The following NR5A2 variants were observed in gnomAD, a reference collection of about 807,000 sequenced individuals.
NR5A2 encodes the protein CYP7A promoter-binding factor.
NR5A2 carries 26 observed loss-of-function variants against 62.7 expected under a neutral mutation model. That is an observed-to-expected ratio of 0.41 (90% confidence interval 0.30 to 0.58). NR5A2 has a LOEUF of 0.58. NR5A2 is among the 20% of genes least tolerant of loss of function. The pLI is 0.22. For missense variants in NR5A2, 541 were observed against 669.1 expected (o/e 0.81, Z 2.11); for synonymous variants, 246 against 241.7 (o/e 1.02, Z -0.16).
chr1:200,072,362 G>A (rs1306989477), intron 5 of NR5A2, among the ~76,000 whole-genome samples: 4 of 152,086 alleles, frequency 2.6e-5, no homozygotes, highest in African/African-American at 9.7e-5. Flanking sequence ...TTCATGGTGG[G>A]TTGGCTATAA....
At chr1:200,121,597 T>G (rs1666483775) in intron 7 of NR5A2, among the ~76,000 whole-genome samples, 1 of 152,092 alleles carries the variant, frequency 6.6e-6, no homozygotes, top group Non-Finnish European at 1.5e-5. Context: ...CAGCTTGGAA[T>G]AAAAAAAGGA....
chr1:200,154,459 A>G (rs1653283440), intron 7 of NR5A2, among the ~76,000 whole-genome samples: 1 of 152,222 alleles, frequency 6.6e-6, no homozygotes, highest in South Asian at 2.1e-4. Context: ...ATGAGTCACC[A>G]GAGAGCAATG....
chr1:200,052,434 C>T (rs1662680286), intron 5 of NR5A2, among the ~76,000 whole-genome samples: 1 of 152,178 alleles, frequency 6.6e-6, no homozygotes, highest in African/African-American at 2.4e-5. Context: ...AATCCTCCTG[C>T]CTTGGCCTCC....
rs145868986 is a variant in NR5A2, at chr1:200,053,181, G to A, written c.1110+4363G>A. On this transcript the variant is annotated intron_variant, in intron 5 of 7. Transcript: ENST00000367362. ...TAGAAACCGTGGAATTTCAGAGCTGGAAGATGAAAGGGAAAAGGGCTAGAG... is the reference window on the plus strand; with the variant it reads ...TAGAAACCGTGGAATTTCAGAGCTGAAAGATGAAAGGGAAAAGGGCTAGAG... 6.2e-3 allele frequency among the ~76,000 whole-genome samples: 940 copies of A among 152,290 alleles called. 5 individuals carry two copies. Among genetic ancestry groups the A allele is most frequent in the Middle Eastern group, 0.01 (3 of 294 alleles).
At chr1:200,144,227 TCTCTCTCACACACA>T (rs1248759396) in intron 7 of NR5A2, among the ~76,000 whole-genome samples, 14 of 76,566 alleles carry the variant, frequency 1.8e-4, no homozygotes, top group African/African-American at 8.3e-4. Context: ...TCTCTCTCTC[TCTCTCTCACACACA>T]CACACACACA....
At chr1:200,057,435 T>G (rs539176101) in intron 5 of NR5A2, 2 of 243,604 alleles carry the variant, frequency 8.2e-6, no homozygotes, top group African/African-American at 4.7e-5. Flanking sequence ...TAATGACTCA[T>G]AGAGATGTCA....
intron 6 of NR5A2, among the ~76,000 whole-genome samples, chr1:200,116,538 A>G (rs894895773): frequency 3.3e-5 from 5 of 152,222 alleles, no homozygotes; most frequent in Non-Finnish European, 5.9e-5. Context: ...AGAACTAGAG[A>G]AACCAAAATA....
chr1:200,170,526 T>C (rs1281333055), intron 7 of NR5A2, among the ~76,000 whole-genome samples: 1 of 152,166 alleles, frequency 6.6e-6, no homozygotes, highest in Non-Finnish European at 1.5e-5. Flanking sequence ...GGTGTTATCA[T>C]TTGTATTTTG....
intron 7 of NR5A2, among the ~76,000 whole-genome samples, chr1:200,123,394 G>A (rs976818351): frequency 6.6e-6 from 1 of 152,212 alleles, no homozygotes; most frequent in African/African-American, 2.4e-5. Flanking sequence ...TGAGTTTGGG[G>A]AACTGTTAGT....
chr1:200,031,542 CA>C (rs199839264), intron 1 of NR5A2, among the ~76,000 whole-genome samples: 2,919 of 138,584 alleles, frequency 0.021, 33 homozygotes, highest in Non-Finnish European at 0.033. Flanking sequence ...CAAAACAAAA[CA>C]AAAAAAGGAT....
chr1:200,066,925 G>A (rs1353930848), intron 5 of NR5A2, among the ~76,000 whole-genome samples: 2 of 152,120 alleles, frequency 1.3e-5, no homozygotes, highest in African/African-American at 4.8e-5. Context: ...ATTCTTTTAT[G>A]TACAACTTAA....
chr1:200,148,885 C>T (rs1571558717), intron 7 of NR5A2, among the ~76,000 whole-genome samples: 1 of 151,434 alleles, frequency 6.6e-6, no homozygotes, highest in Non-Finnish European at 1.5e-5. Flanking sequence ...CAACTCCTAG[C>T]CCAGTCTTTG....
At chr1:200,034,808 T>TTTTTTTTTTTTTTTTTG (rs1661700133) in intron 1 of NR5A2, among the ~76,000 whole-genome samples, 1 of 135,450 alleles carries the variant, frequency 7.4e-6, no homozygotes, top group African/African-American at 3.0e-5. Flanking sequence ...TTTTTTTTTT[T>TTTTTTTTTTTTTTTTTG]TTTTTTAAAC....
chr1:200,166,869 A>G (rs1653927376), intron 7 of NR5A2, among the ~76,000 whole-genome samples: 1 of 152,246 alleles, frequency 6.6e-6, no homozygotes, highest in African/African-American at 2.4e-5. Flanking sequence ...TTAAATGAGA[A>G]AACATATGTT....
At position 200,048,409 on chromosome 1, in the gene NR5A2, A is replaced by G; in HGVS notation, c.701A>G (p.Asp234Gly). The change falls in exon 5 of 8, where the codon GAC becomes GGC. Residue 234 changes from aspartate (D) to glycine (G), a missense_variant. Coordinates refer to ENST00000367362, the MANE Select transcript of NR5A2 (RefSeq NM_205860.3). The surrounding 1 kb of genome is among the most constrained non-coding windows in gnomAD (Gnocchi z 4.8). ...PLNHAALPPT[D>G]YDRSPFVTSP... ...AACCATGCTGCCTTGCCTCCTACAG[A>G]CTATGACAGAAGTCCCTTTGTAACA... The G allele has an allele frequency of 1.2e-6, 2 of 1,614,186 alleles. No homozygotes were observed. Among genetic ancestry groups the G allele is most frequent in the Non-Finnish European group, 1.7e-6 (2 of 1,180,042 alleles).
At chr1:200,109,884 C>A (rs1042399790) in intron 5 of NR5A2, among the ~76,000 whole-genome samples, 3 of 152,194 alleles carry the variant, frequency 2.0e-5, no homozygotes, top group Non-Finnish European at 4.4e-5. Flanking sequence ...CCTGCCTCAG[C>A]CTCCCAAGTA....
intron 7 of NR5A2, among the ~76,000 whole-genome samples, chr1:200,127,470 A>T (rs1666755519): frequency 6.6e-6 from 1 of 151,784 alleles, no homozygotes; most frequent in South Asian, 2.1e-4. Context: ...TGAGGTCAAG[A>T]GTTTGAAACC....
Position 200,174,378 on chromosome 1 carries a change from A to T in NR5A2, c.*168A>T, listed in dbSNP as rs1325741257. The T allele has an allele frequency of 1.7e-6, 1 of 600,358 alleles. No individual in the cohort carries two copies. Among genetic ancestry groups the T allele is most frequent in the Admixed American group, 3.9e-5 (1 of 25,536 alleles). 37.2% of individuals were successfully genotyped at this position (600,358 alleles called of 1,614,324 possible). On this transcript the variant is annotated 3_prime_UTR_variant, in exon 8 of 8. Coordinates refer to ENST00000367362, the MANE Select transcript of NR5A2 (RefSeq NM_205860.3). ...AAAAAGGCATAATAATCAAATACTTAATAGCAAATAAATGATGTATCAGGG... is the reference window on the plus strand; with the variant it reads ...AAAAAGGCATAATAATCAAATACTTTATAGCAAATAAATGATGTATCAGGG...
rs576639246 is a variant in NR5A2, at chr1:200,081,842, T to C, written c.1111-29360T>C. 4.6e-5 allele frequency among the ~76,000 whole-genome samples: 7 copies of C among 151,856 alleles called. 1 individual carries two copies. Among genetic ancestry groups the C allele is most frequent in the African/African-American group, 1.7e-4 (7 of 41,408 alleles). On this transcript the variant is annotated intron_variant, in intron 5 of 7. Coordinates refer to ENST00000367362, the MANE Select transcript of NR5A2 (RefSeq NM_205860.3). ...TGTTATTCTATACTGTTCATTTTAA[T>C]GATATATTTAGGTCTCCCTGACACT...
Sources: allele counts gnomAD v4.1 joint callset (sites outside exome capture counted in the v4.1 genomes callset), GRCh38; gene constraint gnomAD v4.1.1; non-coding constraint Gnocchi (gnomAD v3.1); transcripts MANE v1.5; gene names NCBI Gene and HGNC (gene_info 2026-07-23, HGNC 2026-07-21).